The following TAFA2 variants were observed in gnomAD, a reference collection of about 807,000 sequenced individuals.
TAFA2 encodes the protein TAFA chemokine like family member 2, also known as chemokine-like protein TAFA-2.
In TAFA2, 7 loss-of-function variants were observed where a neutral mutation model predicts 18.8. The ratio of observed to expected loss-of-function variants is 0.37; its 90% confidence interval spans 0.21 to 0.70. TAFA2 has a LOEUF of 0.70. TAFA2 is among the 30% of genes least tolerant of loss of function. The probability of loss-of-function intolerance (pLI) is 0.53; values close to 1 mark genes in which losing one functional copy is unlikely to be tolerated. For synonymous variants in TAFA2, 60 were observed against 54.2 expected (o/e 1.11, Z -0.47); for missense variants, 122 against 158.1 (o/e 0.77, Z 1.23).
At chr12:62,065,420 C>T (rs1293295462) in intron 1 of TAFA2, among the ~76,000 whole-genome samples, 1 of 151,996 alleles carries the variant, frequency 6.6e-6, no homozygotes, top group Admixed American at 6.6e-5. Flanking sequence ...CGGATTATAG[C>T]AGAGAGCCTC....
intron 1 of TAFA2, among the ~76,000 whole-genome samples, chr12:61,986,997 G>A (rs1243123056): frequency 9.9e-5 from 15 of 152,076 alleles, no homozygotes; most frequent in Admixed American, 9.8e-4. Context: ...ACATCTTGAG[G>A]AATTATTTTA....
At chr12:61,725,569 G>T (rs1250891277) in intron 4 of TAFA2, among the ~76,000 whole-genome samples, 1 of 151,912 alleles carries the variant, frequency 6.6e-6, no homozygotes, top group Non-Finnish European at 1.5e-5. Flanking sequence ...GCTTTTGTTT[G>T]CTTTGTCAAA....
intron 1 of TAFA2, among the ~76,000 whole-genome samples, chr12:62,028,434 G>T (rs1488119461): frequency 4.6e-5 from 7 of 152,124 alleles, no homozygotes; most frequent in Non-Finnish European, 1.0e-4. Context: ...CTTGGAGAAA[G>T]AACTCTTTTC....
chr12:61,958,391 G>A (rs576365555), intron 1 of TAFA2, among the ~76,000 whole-genome samples: 19 of 151,922 alleles, frequency 1.3e-4, no homozygotes, highest in Non-Finnish European at 2.4e-4. Flanking sequence ...TTACAACATT[G>A]CATTTCTAAA....
In TAFA2 at chr12:62,092,982, A is replaced by G. The variant is rs371347210; in HGVS notation, c.-2+98277T>C. 2.0e-5 allele frequency among the ~76,000 whole-genome samples: 3 copies of G among 152,034 alleles called. No individual in the cohort carries two copies. The East Asian group carries it at 5.8e-4, about 29-fold the overall frequency. On this transcript the variant is annotated intron_variant, in intron 1 of 4. Coordinates refer to ENST00000416284, the MANE Select transcript of TAFA2 (RefSeq NM_178539.5). ...CAGTTTCCAATCAAATTTACATATCAGCGAAGGCTTTATTTGATATAGGAA... is the reference window on the plus strand; with the variant it reads ...CAGTTTCCAATCAAATTTACATATCGGCGAAGGCTTTATTTGATATAGGAA...
intron 2 of TAFA2, chr12:61,827,360 A>G (rs1872569251): frequency 6.6e-6 from 1 of 152,084 alleles, no homozygotes; most frequent in Non-Finnish European, 1.5e-5. Flanking sequence ...TGCTGAACTT[A>G]TAGCCATGTG....
chr12:61,734,899 A>G (rs1283570397), intron 4 of TAFA2, among the ~76,000 whole-genome samples: 2 of 151,932 alleles, frequency 1.3e-5, no homozygotes, highest in Non-Finnish European at 2.9e-5. Context: ...CAGTATACTC[A>G]CTATTTTTAT....
intron 4 of TAFA2, among the ~76,000 whole-genome samples, chr12:61,737,344 C>T (rs889844588): frequency 1.3e-5 from 2 of 151,746 alleles, no homozygotes; most frequent in Non-Finnish European, 2.9e-5. Context: ...TTTCTCCTAA[C>T]TTTTTTTCAC....
intron 1 of TAFA2, among the ~76,000 whole-genome samples, chr12:62,125,021 A>G (rs1264104592): frequency 6.6e-6 from 1 of 152,146 alleles, no homozygotes. Context: ...CAGGAACCCA[A>G]CCAAGTCAAC....
At chr12:62,148,179 A>G (rs1387299634) in intron 1 of TAFA2, among the ~76,000 whole-genome samples, 1 of 152,174 alleles carries the variant, frequency 6.6e-6, no homozygotes, top group Non-Finnish European at 1.5e-5. Context: ...CTAAAAATAA[A>G]ATTACCATTC....
chr12:62,085,250 C>T (rs1868404378), intron 1 of TAFA2, among the ~76,000 whole-genome samples: 1 of 152,094 alleles, frequency 6.6e-6, no homozygotes, highest in Non-Finnish European at 1.5e-5. Context: ...ATGAAAAGTG[C>T]ATCTATTCTG....
At chr12:62,116,239 C>G (rs751281071) in intron 1 of TAFA2, among the ~76,000 whole-genome samples, 2 of 152,094 alleles carry the variant, frequency 1.3e-5, no homozygotes, top group African/African-American at 4.8e-5. Flanking sequence ...CTGAGATGCA[C>G]GAAGCCCATG....
chr12:61,847,287 TAGTTGAGG>T (rs1873447516), intron 2 of TAFA2, among the ~76,000 whole-genome samples: 2 of 152,224 alleles, frequency 1.3e-5, no homozygotes, highest in South Asian at 4.1e-4. Flanking sequence ...TGTTTTTTCT[TAGTTGAGG>T]AGTTCCTTGA....
At chr12:62,031,137 A>T (rs1881446853) in intron 1 of TAFA2, among the ~76,000 whole-genome samples, 1 of 152,130 alleles carries the variant, frequency 6.6e-6, no homozygotes, top group Admixed American at 6.6e-5. Context: ...GGATTGAAGG[A>T]TGCAAAGTAT....
intron 2 of TAFA2, among the ~76,000 whole-genome samples, chr12:61,773,232 C>T (rs1048371606): frequency 6.6e-6 from 1 of 151,902 alleles, no homozygotes. Context: ...AGAACATATC[C>T]CATGCTCATG....
chr12:62,143,648 A>C (rs2062256264), intron 1 of TAFA2, among the ~76,000 whole-genome samples: 1 of 152,116 alleles, frequency 6.6e-6, no homozygotes, highest in African/African-American at 2.4e-5. Context: ...TAGCCCTGAC[A>C]CTTCTAATGG....
intron 1 of TAFA2, chr12:62,140,271 T>C (rs2062228933): frequency 6.6e-6 from 1 of 152,226 alleles, no homozygotes; most frequent in African/African-American, 2.4e-5. Flanking sequence ...ATTATGGCTT[T>C]CTTCTTTAAA....
chr12:61,938,054 C>G (rs1444257598), intron 1 of TAFA2, among the ~76,000 whole-genome samples: 1 of 151,898 alleles, frequency 6.6e-6, no homozygotes, highest in Non-Finnish European at 1.5e-5. Context: ...TGAATAAATG[C>G]TCACCATCAC....
chr12:62,215,640 A>AC (rs1250293122), intron 1 of TAFA2, among the ~76,000 whole-genome samples: 209 of 104,646 alleles, frequency 2.0e-3, no homozygotes, highest in African/African-American at 6.9e-3. Flanking sequence ...AAAAAAAAAA[A>AC]AAACAAGAGG....
Sources: gnomAD v4.1 joint callset for allele counts (sites outside exome capture counted in the v4.1 genomes callset) on GRCh38, gnomAD v4.1.1 for gene constraint, MANE v1.5 for transcripts, NCBI Gene and HGNC (gene_info 2026-07-23, HGNC 2026-07-21) for gene names.